The following GULP1 variants were observed in gnomAD, a reference collection of about 807,000 sequenced individuals.
The protein encoded by GULP1 is GULP PTB domain containing engulfment adaptor 1, also known as PTB domain-containing engulfment adapter protein 1.
A neutral mutation model predicts 40.9 loss-of-function variants in GULP1; 19 were observed. The observed-to-expected ratio is 0.46, with a 90% CI of 0.32 to 0.68. The LOEUF (loss-of-function observed/expected upper bound fraction) is 0.68, where lower values mean the gene tolerates loss of function less well. GULP1 is among the 30% of genes least tolerant of loss of function. The probability of loss-of-function intolerance (pLI) is 0.03; values close to 1 mark genes in which losing one functional copy is unlikely to be tolerated. For synonymous variants in GULP1, 119 were observed against 117.6 expected (o/e 1.01, Z -0.08); for missense variants, 312 against 362.2 (o/e 0.86, Z 1.12).
chr2:188,575,693 A>G (rs1427797564), intron 9 of GULP1, among the ~76,000 whole-genome samples: 1 of 152,200 alleles, frequency 6.6e-6, no homozygotes, highest in Non-Finnish European at 1.5e-5. Context: ...TGGAAAAGAC[A>G]TTGAAGAGAA....
At chr2:188,478,227 T>A (rs1025984826) in intron 3 of GULP1, among the ~76,000 whole-genome samples, 2 of 152,112 alleles carry the variant, frequency 1.3e-5, no homozygotes, top group African/African-American at 2.4e-5. Context: ...GGTAGGAATT[T>A]AAATAACTAC....
chr2:188,526,244 A>G (rs891506999), intron 5 of GULP1, among the ~76,000 whole-genome samples: 4 of 152,100 alleles, frequency 2.6e-5, no homozygotes, highest in African/African-American at 7.2e-5. Flanking sequence ...GCTTGGTTAT[A>G]TTTGTTTGTT....
intron 4 of GULP1, among the ~76,000 whole-genome samples, chr2:188,511,286 A>G (rs886820776): frequency 3.9e-5 from 6 of 152,200 alleles, no homozygotes; most frequent in Non-Finnish European, 5.9e-5. Flanking sequence ...AAGTAATACT[A>G]TCCTCAGTTT....
intron 2 of GULP1, among the ~76,000 whole-genome samples, chr2:188,391,056 T>G (rs1373541133): frequency 6.6e-6 from 1 of 152,124 alleles, no homozygotes; most frequent in African/African-American, 2.4e-5. Flanking sequence ...GCCTCTAGAT[T>G]TGTTCTTTTG....
At chr2:188,581,445 C>T (rs1701308665) in intron 9 of GULP1, among the ~76,000 whole-genome samples, 1 of 152,174 alleles carries the variant, frequency 6.6e-6, no homozygotes, top group Admixed American at 6.5e-5. Context: ...TATACTATAG[C>T]AGTAAATGAA....
At chr2:188,564,871 A>G (rs547904761) in intron 7 of GULP1, among the ~76,000 whole-genome samples, 41 of 151,980 alleles carry the variant, frequency 2.7e-4, no homozygotes, top group Non-Finnish European at 5.6e-4. Context: ...AATGAACTGT[A>G]TTGTAGAGTT....
At chr2:188,517,879 C>T (rs1281757111) in intron 4 of GULP1, among the ~76,000 whole-genome samples, 1 of 152,026 alleles carries the variant, frequency 6.6e-6, no homozygotes. Context: ...CACTTCTGCT[C>T]CCAGCCATGC....
At chr2:188,350,502 T>C (rs374648066) in intron 1 of GULP1, among the ~76,000 whole-genome samples, 13 of 152,084 alleles carry the variant, frequency 8.5e-5, no homozygotes, top group Admixed American at 7.9e-4. Context: ...ACTGCCTGTG[T>C]GTAGAAATAT....
At chr2:188,361,567 C>G (rs919134336) in intron 1 of GULP1, among the ~76,000 whole-genome samples, 2 of 152,002 alleles carry the variant, frequency 1.3e-5, no homozygotes, top group African/African-American at 4.8e-5. Flanking sequence ...AACATCATTA[C>G]AGAAAAAATA....
intron 1 of GULP1, among the ~76,000 whole-genome samples, chr2:188,306,154 A>T (rs1309356168): frequency 6.6e-6 from 1 of 152,290 alleles, no homozygotes; most frequent in East Asian, 1.9e-4. Context: ...CCTAAGATAT[A>T]AAATTACTAA....
chr2:188,507,557 T>C (rs1340925209), intron 4 of GULP1, among the ~76,000 whole-genome samples: 1 of 151,970 alleles, frequency 6.6e-6, no homozygotes, highest in Admixed American at 6.6e-5. Flanking sequence ...ACTTCACTTA[T>C]TTGTGTATTT....
chr2:188,504,964 T>C (rs1396915779), intron 4 of GULP1, among the ~76,000 whole-genome samples: 1 of 151,662 alleles, frequency 6.6e-6, no homozygotes, highest in Admixed American at 6.6e-5. Flanking sequence ...TTTTTTTTGC[T>C]TCATTTTGCT....
intron 5 of GULP1, among the ~76,000 whole-genome samples, chr2:188,524,965 A>G (rs1685789367): frequency 6.6e-6 from 1 of 151,944 alleles, no homozygotes; most frequent in Non-Finnish European, 1.5e-5. Context: ...TTAAAATTTA[A>G]GAATAAAAGC....
intron 6 of GULP1, among the ~76,000 whole-genome samples, chr2:188,540,436 A>ATATGTGTG (rs386392111): frequency 2.7e-5 from 4 of 149,612 alleles, no homozygotes; most frequent in African/African-American, 9.8e-5. Flanking sequence ...ATAATTTAAT[A>ATATGTGTG]TGTGTGTGTG....
At chr2:188,573,127 A>G (rs1699425033) in intron 9 of GULP1, among the ~76,000 whole-genome samples, 1 of 152,180 alleles carries the variant, frequency 6.6e-6, no homozygotes, top group African/African-American at 2.4e-5. Context: ...GTAAAATGTA[A>G]ATTAATGAGA....
chr2:188,315,862 A>G (rs1349573363), intron 1 of GULP1, among the ~76,000 whole-genome samples: 1 of 152,140 alleles, frequency 6.6e-6, no homozygotes, highest in Non-Finnish European at 1.5e-5. Flanking sequence ...CGGTCTCTCA[A>G]AATATCTTAA....
At chr2:188,415,238 C>T (rs1383057407) in intron 2 of GULP1, among the ~76,000 whole-genome samples, 1 of 152,130 alleles carries the variant, frequency 6.6e-6, no homozygotes, top group East Asian at 1.9e-4. Context: ...AGATAAAGAG[C>T]ACAATTTGGG....
At chr2:188,569,885 C>T (rs1448703212) in intron 8 of GULP1, 143 bp from the exon 9 acceptor site, 3 of 519,686 alleles carry the variant, frequency 5.8e-6, no homozygotes, top group Non-Finnish European at 6.8e-6. Flanking sequence ...CAGCATTTCC[C>T]AAGCTTTATC....
intron 1 of GULP1, among the ~76,000 whole-genome samples, chr2:188,352,618 TCACA>T (rs66499080): frequency 2.7e-3 from 366 of 134,470 alleles, no homozygotes; most frequent in South Asian, 3.7e-3. Flanking sequence ...TCTCTCTCTC[TCACA>T]CACACACACA....
Sources: gnomAD v4.1 joint callset for allele counts (sites outside exome capture counted in the v4.1 genomes callset) on GRCh38, gnomAD v4.1.1 for gene constraint, MANE v1.5 for transcripts, NCBI Gene and HGNC (gene_info 2026-07-23, HGNC 2026-07-21) for gene names.